The following PLXDC1 variants were observed in gnomAD, a reference collection of about 807,000 sequenced individuals.
PLXDC1 encodes plexin domain-containing protein 1.
In PLXDC1, 39 loss-of-function variants were observed where a neutral mutation model predicts 61.3. The observed-to-expected ratio is 0.64, with a 90% confidence interval of 0.49 to 0.83. PLXDC1 has a LOEUF of 0.83. PLXDC1 is among the 40% of genes least tolerant of loss of function. The pLI, the probability that PLXDC1 is intolerant of heterozygous loss-of-function variation, is 0.00. For missense variants in PLXDC1, 596 were observed against 666.5 expected, an observed-to-expected ratio of 0.89 and a Z score of 1.17; for synonymous variants, 212 against 254.5, an observed-to-expected ratio of 0.83 and a Z score of 1.59.
At chr17:39,095,388 A>G (rs5820279) in intron 7 of PLXDC1, among the ~76,000 whole-genome samples, 1 of 7,118 alleles carries the variant, frequency 1.4e-4, no homozygotes, top group African/African-American at 4.6e-4. Context: ...CCAACCCCCC[A>G]AGCCTGGGTT....
intron 4 of PLXDC1, chr17:39,108,471 A>G: frequency 1.7e-6 from 1 of 573,412 alleles, no homozygotes; most frequent in South Asian, 2.1e-5. Flanking sequence ...CACAGACTAT[A>G]GGGCGAGGGG....
In PLXDC1 at chr17:39,078,031, G is replaced by A. The variant is rs138219673; in HGVS notation, c.1068C>T (p.Cys356=). 5.0e-5 allele frequency: 80 copies of A among 1,609,500 alleles called. No homozygotes were observed. In the South Asian group the frequency reaches 7.4e-4, roughly 15 times the overall value. Residue 356 remains cysteine, a synonymous_variant, in exon 11 of 14, where the codon TGC becomes TGT. Transcript: ENST00000315392. The part of the protein sequence containing the change: ...GCAQEAEGRM[C]EDFQDEDHDS... ...CGTGGTCCTCATCCTGGAAGTCCTC[G>A]CACATCCTGCCCTCTGCCTGCAGGA...
chr17:39,082,973 A>C (rs927758126), intron 9 of PLXDC1, among the ~76,000 whole-genome samples: 4 of 152,146 alleles, frequency 2.6e-5, no homozygotes, highest in African/African-American at 9.7e-5. Context: ...CTTCAGAAAA[A>C]TCCCTTGCAG....
chr17:39,136,296 C>T (rs1911750861), intron 2 of PLXDC1, among the ~76,000 whole-genome samples: 1 of 152,070 alleles, frequency 6.6e-6, no homozygotes, highest in South Asian at 2.1e-4. Context: ...ACCTGGGGTA[C>T]AACATCTAAG....
At chr17:39,117,512 C>T (rs3785744) in intron 2 of PLXDC1, among the ~76,000 whole-genome samples, 59,665 of 151,920 alleles carry the variant, frequency 0.39, 11,873 homozygotes, top group South Asian at 0.55. Flanking sequence ...AGAAACATCG[C>T]TTGAATCCAG....
chr17:39,128,103 A>ATATGTATATATATATGTGTATATATG (rs1388209830), intron 2 of PLXDC1, among the ~76,000 whole-genome samples: 1 of 84,902 alleles, frequency 1.2e-5, no homozygotes, highest in African/African-American at 5.0e-5. Flanking sequence ...ATGTGTATAT[A>ATATGTATATATATATGTGTATATATG]TATATATATA....
At chr17:39,072,255 T>G in intron 12 of PLXDC1, 195 bp downstream of exon 12, 1 of 610,832 alleles carries the variant, frequency 1.6e-6, no homozygotes, top group Non-Finnish European at 2.9e-6. Context: ...AGGGTAGACA[T>G]GTTCCTTCGA....
chr17:39,069,347 C>G (rs986849978), intron 13 of PLXDC1, among the ~76,000 whole-genome samples: 6 of 152,164 alleles, frequency 3.9e-5, no homozygotes, highest in African/African-American at 1.4e-4. Flanking sequence ...CTCAAGTAAT[C>G]TTGCCTTGGT....
intron 2 of PLXDC1, among the ~76,000 whole-genome samples, chr17:39,139,239 A>G (rs557637369): frequency 3.9e-5 from 6 of 152,192 alleles, no homozygotes; most frequent in Non-Finnish European, 7.4e-5. Context: ...CTAAGCAGCC[A>G]TTAATCCTCT....
Position 39,066,574 on chromosome 17 carries a change from CA to C in PLXDC1, c.*1265del. On this transcript the variant is annotated 3_prime_UTR_variant, in exon 14 of 14. Transcript: ENST00000315392. The stretch of plus-strand genomic sequence containing the variant: ...GGGGCTAAAATGCCAACTCTATAGC[CA>C]TGAGGATCTGCTTTCTTTTTTTTTT... 6.6e-6 allele frequency: 1 copy of C among 152,458 alleles called. No individual in the cohort carries two copies. Among genetic ancestry groups the C allele is most frequent in the Middle Eastern group, 3.4e-3 (1 of 294 alleles). 9.4% of individuals were successfully genotyped at this position (152,458 alleles called of 1,614,324 possible). A position where few individuals can be genotyped will look rare whatever the true frequency, so the allele number is the denominator to read the frequency against.
intron 2 of PLXDC1, among the ~76,000 whole-genome samples, chr17:39,139,081 G>A (rs917207829): frequency 3.3e-5 from 5 of 152,084 alleles, no homozygotes; most frequent in African/African-American, 4.8e-5. Flanking sequence ...AGAGCCTCCC[G>A]GAAACCCTGA....
intron 12 of PLXDC1, chr17:39,070,465 T>C (rs971598881): frequency 1.3e-5 from 2 of 155,802 alleles, no homozygotes; most frequent in Non-Finnish European, 2.8e-5. Flanking sequence ...TGAACAAGGA[T>C]AATAACACCC....
intron 13 of PLXDC1, among the ~76,000 whole-genome samples, 167 bp from the exon 14 acceptor site, chr17:39,068,126 G>A (rs1908967228): frequency 6.6e-6 from 1 of 152,218 alleles, no homozygotes; most frequent in Admixed American, 6.5e-5. Flanking sequence ...TCCCTAAAAT[G>A]TTCCGTGCTG....
At chr17:39,146,213 G>C (rs955348391) in intron 1 of PLXDC1, among the ~76,000 whole-genome samples, 14 of 152,000 alleles carry the variant, frequency 9.2e-5, no homozygotes, top group Non-Finnish European at 1.3e-4. Context: ...TGGGACTACA[G>C]GAGTGCGCCA....
At position 39,128,097 on chromosome 17, in the gene PLXDC1, G is replaced by GTGTATATATATATATATATATATATATA. The variant is rs1911379292; in HGVS notation, c.255+11556_255+11557insTATATATATATATATATATATATATACA. The stretch of plus-strand genomic sequence containing the variant: ...TCTCTCTCTCTCTCTCTCTCTATGT[G>GTGTATATATATATATATATATATATATA]TATATATATATATATATGTATATAT... On this transcript the variant is annotated intron_variant, in intron 2 of 13. Coordinates refer to ENST00000315392, the MANE Select transcript of PLXDC1 (RefSeq NM_020405.5). 1.5e-4 allele frequency among the ~76,000 whole-genome samples: 10 copies of GTGTATATATATATATATATATATATATA among 67,498 alleles called. No homozygotes were observed. In the East Asian group the frequency reaches 2.1e-3, roughly 14 times the overall value. 44.3% of individuals were successfully genotyped at this position (67,498 alleles called of 152,430 possible).
intron 7 of PLXDC1, among the ~76,000 whole-genome samples, chr17:39,095,431 G>A (rs1275321335): frequency 7.9e-6 from 1 of 126,524 alleles, no homozygotes; most frequent in African/African-American, 3.1e-5. Flanking sequence ...AACATCTGGA[G>A]CTTGCCCAAG....
rs1298383783 is a variant in PLXDC1 at position 39,086,878 on chromosome 17, A to AAAAAG, written c.907+728_907+729insCTTTT. On this transcript the variant is annotated intron_variant, in intron 8 of 13. Transcript: ENST00000315392. ...CTGTCTCAAAAAAAAAAAAAAAAAA[A>AAAAAG]AAGAAGAAGAAAAAGAAGAAATGCC... Among the ~76,000 whole-genome samples the AAAAAG allele has an allele frequency of 2.2e-3, 327 of 150,752 alleles. 16 individuals are homozygous for AAAAAG. The East Asian group carries it at 0.055, about 25-fold the overall frequency.
rs1908837637 is a variant in PLXDC1, at chr17:39,064,912, A to G, written c.*2928T>C. ...GGGAAGCACAGCCCACCAGCAGAGCATTTACCACCTGTGTGTGTCTCAAAT... is the reference window on the plus strand; with the variant it reads ...GGGAAGCACAGCCCACCAGCAGAGCGTTTACCACCTGTGTGTGTCTCAAAT... On this transcript the variant is annotated 3_prime_UTR_variant, in exon 14 of 14. Coordinates refer to ENST00000315392, the MANE Select transcript of PLXDC1 (RefSeq NM_020405.5). The G allele has an allele frequency of 6.6e-6, 1 of 152,218 alleles. No individual in the cohort carries two copies. Among genetic ancestry groups the G allele is most frequent in the Admixed American group, 6.5e-5 (1 of 15,282 alleles). 9.4% of individuals were successfully genotyped at this position (152,218 alleles called of 1,614,324 possible).
At chr17:39,091,724 G>A (rs558238755) in intron 7 of PLXDC1, among the ~76,000 whole-genome samples, 117 of 152,220 alleles carry the variant, frequency 7.7e-4, no homozygotes, top group African/African-American at 2.6e-3. Flanking sequence ...TTGGGAGGCC[G>A]AGGTAGGTGG....
Sources: allele counts gnomAD v4.1 joint callset (sites outside exome capture counted in the v4.1 genomes callset), GRCh38; gene constraint gnomAD v4.1.1; transcripts MANE v1.5; gene names NCBI Gene and HGNC (gene_info 2026-07-23, HGNC 2026-07-21).